Variants in MAGT1 observed in about 807,000 individuals in gnomAD.
MAGT1 encodes the protein magnesium transporter 1.
MAGT1 carries 4 observed loss-of-function variants against 28.4 expected under a neutral mutation model. The ratio of observed to expected loss-of-function variants is 0.14; its 90% CI spans 0.07 to 0.32. The LOEUF is 0.32. Among genes scored for constraint, MAGT1 ranks in the 10% least tolerant of loss-of-function variants. The probability of loss-of-function intolerance (pLI) is 1.00; values close to 1 mark genes in which losing one functional copy is unlikely to be tolerated. For missense variants in MAGT1, 193 were observed against 264.5 expected (o/e 0.73, Z 1.88); for synonymous variants, 89 against 89.7 (o/e 0.99, Z 0.04).
intron 9 of MAGT1, among the ~76,000 whole-genome samples, 182 bp downstream of exon 9, chrX:77,830,623 A>T (rs1435730108): frequency 1.8e-5 from 2 of 109,915 alleles, no homozygotes; most frequent in Non-Finnish European, 3.8e-5. Flanking sequence ...CTCAAAAATA[A>T]ATAAATAAAT....
chrX:77,884,868 A>AGGTGAGGAGATCGAGACCAT (rs2077062848), intron 1 of MAGT1, among the ~76,000 whole-genome samples: 1 of 107,201 alleles, frequency 9.3e-6, no homozygotes, highest in African/African-American at 3.4e-5. Flanking sequence ...GTGGATCACG[A>AGGTGAGGAGATCGAGACCAT]GGTGAGGAGA....
chrX:77,836,903 A>G (rs1569547837), intron 8 of MAGT1, among the ~76,000 whole-genome samples: 1 of 111,337 alleles, frequency 9.0e-6, no homozygotes, highest in Non-Finnish European at 1.9e-5. Flanking sequence ...CTCAGATTTA[A>G]AAAAAAGAAA....
At chrX:77,840,611 G>C (rs1557214315) in intron 8 of MAGT1, among the ~76,000 whole-genome samples, 1 of 111,836 alleles carries the variant, frequency 8.9e-6, no homozygotes, top group Admixed American at 9.6e-5. Context: ...GGGAGGCTGA[G>C]GTGGGAAGAT....
chrX:77,867,251 T>C (rs782319836), intron 3 of MAGT1, among the ~76,000 whole-genome samples: 1 of 66,723 alleles, frequency 1.5e-5, no homozygotes, highest in East Asian at 4.6e-4. Context: ...ACACTTACTA[T>C]CCATTACAGA....
chrX:77,865,537 C>A (rs1374615983), intron 3 of MAGT1, among the ~76,000 whole-genome samples: 1 of 109,872 alleles, frequency 9.1e-6, no homozygotes. Context: ...TCGTGATCTG[C>A]CTGCCTCGGC....
At chrX:77,830,630 A>AAATAAATAAAT (rs2149008168) in intron 9 of MAGT1, among the ~76,000 whole-genome samples, 175 bp downstream of exon 9, 1 of 110,184 alleles carries the variant, frequency 9.1e-6, no homozygotes, top group East Asian at 2.8e-4. Flanking sequence ...ATAAATAAAT[A>AAATAAATAAAT]AATAAATAAA....
intron 1 of MAGT1, among the ~76,000 whole-genome samples, chrX:77,879,081 G>T (rs1414959121): frequency 9.0e-6 from 1 of 110,951 alleles, no homozygotes; most frequent in Non-Finnish European, 1.9e-5. Context: ...TCTCGAGATG[G>T]AGTCTTGCTC....
intron 7 of MAGT1, among the ~76,000 whole-genome samples, chrX:77,853,580 T>C (rs2076974118): frequency 8.9e-6 from 1 of 112,142 alleles, no homozygotes; most frequent in Non-Finnish European, 1.9e-5. Context: ...AAACAATGCT[T>C]TGTTTAAATT....
At chrX:77,895,551 A>T, upstream of MAGT1, 1 of 1,086,404 alleles carries the variant, frequency 9.2e-7, no homozygotes, top group Non-Finnish European at 1.2e-6. Context: ...ATTACGTCAC[A>T]GCGCGCTGGC....
chrX:77,856,767 A>G lies in MAGT1; in HGVS notation c.638T>C (p.Leu213Pro). 8.3e-7 allele frequency: 1 copy of G among 1,209,667 alleles called. No individual in the cohort carries two copies. Among genetic ancestry groups the G allele is most frequent in the Non-Finnish European group, 1.1e-6 (1 of 893,758 alleles). The change falls in exon 5 of 10, where the codon CTC becomes CCC. Residue 213 changes from leucine to proline, a missense_variant. Physicochemically the swap from Leu to Pro is moderately conservative, Grantham distance 98. Coordinates refer to ENST00000618282, the MANE Select transcript of MAGT1 (RefSeq NM_001367916.1). ...AAAAGCCCATCCAGTTTTATTAAAG[A>G]GAAATTCCATATTACTTCTTCGAAG... ...VYLRRSNMEFLFNKTGWAFAA... is the reference protein window; with the variant it reads ...VYLRRSNMEFPFNKTGWAFAA...
chrX:77,887,956 G>A (rs1020751154), intron 1 of MAGT1, among the ~76,000 whole-genome samples: 4 of 110,967 alleles, frequency 3.6e-5, no homozygotes, highest in Admixed American at 9.7e-5. Context: ...TACTACAGGC[G>A]TGCACCACCA....
At chrX:77,844,261 G>A (rs1479089781) in intron 7 of MAGT1, among the ~76,000 whole-genome samples, 1 of 111,655 alleles carries the variant, frequency 9.0e-6, no homozygotes, top group African/African-American at 3.3e-5. Context: ...GTTCTCTGAT[G>A]GTAGTTTGTA....
intron 3 of MAGT1, among the ~76,000 whole-genome samples, chrX:77,859,780 T>A (rs1603362030): frequency 9.1e-6 from 1 of 110,417 alleles, no homozygotes; most frequent in East Asian, 2.9e-4. Flanking sequence ...GGCACAAGAA[T>A]TACTTGAACC....
At position 77,855,712 on chromosome X, in the gene MAGT1, T is replaced by C. The variant is rs2076979772; in HGVS notation, c.673-122A>G. The C allele has an allele frequency of 8.4e-6, 4 of 476,758 alleles. No individual in the cohort carries two copies. The Admixed American group carries it at 1.4e-4, about 17-fold the overall frequency. The allele number at this position is 476,758 out of a possible 1,213,427, so 39.3% of individuals were successfully genotyped here. ...CATAGAATTTTTTGCAGATAAATGATTTATTAAGGCTTATATTTCATCCCA... is the reference window on the plus strand; with the variant it reads ...CATAGAATTTTTTGCAGATAAATGACTTATTAAGGCTTATATTTCATCCCA... On this transcript the variant is annotated intron_variant, in intron 5 of 9. Transcript: ENST00000618282.
At chrX:77,847,922 C>G (rs1261568764) in intron 7 of MAGT1, among the ~76,000 whole-genome samples, 6 of 111,365 alleles carry the variant, frequency 5.4e-5, no homozygotes, top group African/African-American at 2.0e-4. Flanking sequence ...AAAGATTGAT[C>G]ATTTCTACAG....
intron 3 of MAGT1, among the ~76,000 whole-genome samples, chrX:77,869,101 C>T (rs1431760750): frequency 1.8e-5 from 2 of 111,390 alleles, no homozygotes; most frequent in African/African-American, 6.5e-5. Context: ...CTGGAACCTC[C>T]GCTTCCTGGG....
intron 1 of MAGT1, chrX:77,885,283 G>A (rs1433327482): frequency 1.8e-5 from 2 of 109,913 alleles, no homozygotes; most frequent in Non-Finnish European, 3.8e-5. Context: ...CCAGCACTTT[G>A]GGATGCCGAG....
rs782101769 is a variant in MAGT1, at chrX:77,857,497, G to A, written c.391C>T (p.Leu131=). 8.3e-7 allele frequency: 1 copy of A among 1,209,165 alleles called. No individual in the cohort carries two copies. The highest frequency in any genetic ancestry group is 3.0e-5 in the East Asian group (1 of 33,804). Residue 131 remains leucine (L), a splice_region_variant and synonymous_variant, in exon 4 of 10, where the codon CTA becomes TTA. Transcript: ENST00000618282. ...AAAGTTGGAGCTGAATTCATGTTTAGCTGAATAAAAACGAGCCATGAAAAT... is the reference window on the plus strand; with the variant it reads ...AAAGTTGGAGCTGAATTCATGTTTAACTGAATAAAAACGAGCCATGAAAAT... ...FDEGSDVFQM[L]NMNSAPTFIN...
At chrX:77,856,681 C>A in intron 5 of MAGT1, 52 bp downstream of exon 5, 1 of 1,119,371 alleles carries the variant, frequency 8.9e-7, no homozygotes, top group East Asian at 3.0e-5. Flanking sequence ...CCTAAAAATA[C>A]ACTATTAGGA....
Sources: gnomAD v4.1 joint callset for allele counts (sites outside exome capture counted in the v4.1 genomes callset) on GRCh38, gnomAD v4.1.1 for gene constraint, MANE v1.5 for transcripts, NCBI Gene and HGNC (gene_info 2026-07-23, HGNC 2026-07-21) for gene names.